The following RNFT2 variants were observed in gnomAD, a reference collection of about 807,000 sequenced individuals.
RNFT2 encodes the protein E3 ubiquitin-protein ligase RNFT2.
Under a neutral mutation model 53.0 loss-of-function variants are expected in RNFT2, and 36 were observed. The observed-to-expected ratio is 0.68, with a 90% CI of 0.52 to 0.90. The LOEUF is 0.90. RNFT2 is among the 40% of genes least tolerant of loss of function. The pLI is 0.00. For synonymous variants in RNFT2, 260 were observed against 253.2 expected, an observed-to-expected ratio of 1.03 and a Z score of -0.26; for missense variants, 514 against 585.6, an observed-to-expected ratio of 0.88 and a Z score of 1.26.
intron 7 of RNFT2, among the ~76,000 whole-genome samples, chr12:116,822,087 G>A (rs889404625): frequency 9.2e-5 from 14 of 151,742 alleles, no homozygotes; most frequent in Non-Finnish European, 1.8e-4. Context: ...TGTGTGCCTC[G>A]GCCTCCCAAA....
At chr12:116,787,329 G>A (rs1469678493) in intron 7 of RNFT2, among the ~76,000 whole-genome samples, 1 of 152,232 alleles carries the variant, frequency 6.6e-6, no homozygotes, top group African/African-American at 2.4e-5. Context: ...CAGCCATGGT[G>A]CCTTGAGCAA....
chr12:116,773,862 A>G (rs1873307170), intron 6 of RNFT2, among the ~76,000 whole-genome samples: 1 of 152,208 alleles, frequency 6.6e-6, no homozygotes, highest in East Asian at 1.9e-4. Context: ...TTTTAAAATG[A>G]TCATCATGCA....
At chr12:116,829,628 ATC>A (rs1455715477) in intron 7 of RNFT2, among the ~76,000 whole-genome samples, 98 of 152,184 alleles carry the variant, frequency 6.4e-4, no homozygotes, top group African/African-American at 2.3e-3. Flanking sequence ...TTGGCTATAA[ATC>A]TCTGTCCACA....
intron 5 of RNFT2, among the ~76,000 whole-genome samples, chr12:116,761,019 C>T (rs376877783): frequency 1.6e-4 from 25 of 152,324 alleles, no homozygotes; most frequent in South Asian, 1.2e-3. Flanking sequence ...GGCCATTCTT[C>T]GGTCTATCAC....
At chr12:116,837,171 C>T (rs1183262515) in intron 10 of RNFT2, among the ~76,000 whole-genome samples, 1 of 152,176 alleles carries the variant, frequency 6.6e-6, no homozygotes, top group Non-Finnish European at 1.5e-5. Context: ...TCCTCCTCCT[C>T]CTGACATCAG....
chr12:116,831,508 C>G (rs920150586), intron 7 of RNFT2, among the ~76,000 whole-genome samples: 1 of 151,794 alleles, frequency 6.6e-6, no homozygotes, highest in African/African-American at 2.4e-5. Context: ...TAATCAGACC[C>G]TCTTTTTTGT....
intron 3 of RNFT2, among the ~76,000 whole-genome samples, chr12:116,748,087 G>A (rs1225459811): frequency 6.6e-5 from 10 of 152,126 alleles, no homozygotes; most frequent in Admixed American, 1.3e-4. Context: ...CTACTCGGGA[G>A]GCTGAGGCAG....
chr12:116,830,943 AG>A (rs1270744432), intron 7 of RNFT2, among the ~76,000 whole-genome samples: 1 of 151,842 alleles, frequency 6.6e-6, no homozygotes, highest in Non-Finnish European at 1.5e-5. Context: ...AAGAGAGTAT[AG>A]GATTGAAACC....
intron 7 of RNFT2, among the ~76,000 whole-genome samples, chr12:116,805,763 G>A (rs974091352): frequency 6.6e-5 from 10 of 152,164 alleles, no homozygotes; most frequent in Admixed American, 2.0e-4. Flanking sequence ...CGTGAGCCAC[G>A]GTGCCCAGCC....
intron 7 of RNFT2, among the ~76,000 whole-genome samples, chr12:116,823,011 GAA>G (rs1876129855): frequency 6.6e-6 from 1 of 152,094 alleles, no homozygotes; most frequent in Non-Finnish European, 1.5e-5. Flanking sequence ...AGCAAAAAAC[GAA>G]AAGACAAAAG....
At chr12:116,842,613 AC>A (rs1877408174) in intron 10 of RNFT2, among the ~76,000 whole-genome samples, 1 of 152,078 alleles carries the variant, frequency 6.6e-6, no homozygotes, top group Non-Finnish European at 1.5e-5. Context: ...TCCCTCTGTC[AC>A]CCAGGCTAGA....
At chr12:116,796,244 A>G (rs1169433260) in intron 7 of RNFT2, among the ~76,000 whole-genome samples, 1 of 152,166 alleles carries the variant, frequency 6.6e-6, no homozygotes, top group Non-Finnish European at 1.5e-5. Flanking sequence ...TAAGGTTATC[A>G]TAAGGTGCAA....
intron 7 of RNFT2, among the ~76,000 whole-genome samples, chr12:116,825,988 A>T (rs1346773224): frequency 6.6e-6 from 1 of 152,100 alleles, no homozygotes; most frequent in Non-Finnish European, 1.5e-5. Context: ...ATACAGAAAA[A>T]AAAAGGTTTC....
intron 7 of RNFT2, among the ~76,000 whole-genome samples, chr12:116,796,585 G>C (rs1001378700): frequency 6.6e-6 from 1 of 152,244 alleles, no homozygotes; most frequent in African/African-American, 2.4e-5. Flanking sequence ...AGAACCAAGA[G>C]GATTCATGGG....
rs1566065959 is a variant in RNFT2 at position 116,740,638 on chromosome 12, AC to A, written c.24+120del. 5 of 936,266 alleles carry A rather than the reference AC, an allele frequency of 5.3e-6. No individual in the cohort carries two copies. In the Admixed American group the frequency reaches 6.0e-5, roughly 11 times the overall value. 58.0% of individuals were successfully genotyped at this position (936,266 alleles called of 1,614,324 possible). On this transcript the variant is annotated intron_variant, in intron 2 of 10. Coordinates refer to ENST00000257575, the MANE Select transcript of RNFT2 (RefSeq NM_001382266.1). ...CCCATGTAACACATGGGGAATCTGA[AC>A]CCACAGAGGGGTTACTGATTTGTCT...
At chr12:116,815,105 C>T (rs755928648) in intron 7 of RNFT2, among the ~76,000 whole-genome samples, 18 of 152,032 alleles carry the variant, frequency 1.2e-4, no homozygotes, top group Non-Finnish European at 2.1e-4. Context: ...ATGATGTAGC[C>T]GGTCCTAGTA....
intron 7 of RNFT2, among the ~76,000 whole-genome samples, chr12:116,826,676 G>A (rs1052105757): frequency 6.6e-6 from 1 of 152,156 alleles, no homozygotes; most frequent in Non-Finnish European, 1.5e-5. Context: ...ATCAGTGCTT[G>A]CTTATAAAGA....
chr12:116,820,502 G>C (rs1049661671), intron 7 of RNFT2, among the ~76,000 whole-genome samples: 1 of 152,164 alleles, frequency 6.6e-6, no homozygotes, highest in Admixed American at 6.5e-5. Flanking sequence ...GAACATTTCC[G>C]GCATCTGGAA....
chr12:116,753,834 T>C lies in RNFT2; in HGVS notation c.551-150T>C, dbSNP rs1484289812. The C allele has an allele frequency of 1.8e-5, 11 of 612,570 alleles. No homozygotes were observed. The East Asian group carries it at 2.5e-4, about 14-fold the overall frequency. The allele number at this position is 612,570 out of a possible 1,614,324, so 37.9% of individuals were successfully genotyped here. ...CCAGAGATTTAGATGGCAGCCCAAA[T>C]CCCCAAGAAGTGGGATTTTTTTTAT... On this transcript the variant is annotated intron_variant, in intron 4 of 10. Coordinates refer to ENST00000257575, the MANE Select transcript of RNFT2 (RefSeq NM_001382266.1).
Sources: gnomAD v4.1 joint callset for allele counts (sites outside exome capture counted in the v4.1 genomes callset) on GRCh38, gnomAD v4.1.1 for gene constraint, MANE v1.5 for transcripts, NCBI Gene and HGNC (gene_info 2026-07-23, HGNC 2026-07-21) for gene names.